Variants in TRPS1 observed in about 807,000 individuals in gnomAD.
The protein encoded by TRPS1 is transcriptional repressor GATA binding 1.
TRPS1 carries 6 observed loss-of-function variants against 101.2 expected under a neutral mutation model. That is an observed-to-expected ratio of 0.06 (90% CI 0.03 to 0.12). The LOEUF (loss-of-function observed/expected upper bound fraction) is 0.12, where lower values mean the gene tolerates loss of function less well. Ranked by LOEUF, TRPS1 falls within the 10% of genes least tolerant of loss-of-function variation. TRPS1 has a pLI of 1.00. For missense variants in TRPS1, 1,363 were observed against 1,567.0 expected (o/e 0.87, Z 2.20); for synonymous variants, 578 against 589.8 (o/e 0.98, Z 0.29).
intron 5 of TRPS1, among the ~76,000 whole-genome samples, chr8:115,581,912 G>C (rs959594231): frequency 6.6e-6 from 1 of 152,068 alleles, no homozygotes; most frequent in Admixed American, 6.6e-5. Context: ...GCAGAGACAT[G>C]TACAAGGATT....
At chr8:115,595,964 A>G (rs959842539) in intron 4 of TRPS1, among the ~76,000 whole-genome samples, 2 of 151,802 alleles carry the variant, frequency 1.3e-5, no homozygotes, top group South Asian at 4.1e-4. Flanking sequence ...GTTTATTTCA[A>G]GGTATTATAA....
intron 5 of TRPS1, among the ~76,000 whole-genome samples, chr8:115,582,129 A>G (rs534243357): frequency 1.1e-4 from 17 of 152,330 alleles, no homozygotes; most frequent in South Asian, 6.2e-4. Flanking sequence ...AAAAAGTCCA[A>G]ATCGGGTGAG....
chr8:115,578,658 C>G (rs974891479), intron 5 of TRPS1, among the ~76,000 whole-genome samples: 1 of 151,854 alleles, frequency 6.6e-6, no homozygotes, highest in East Asian at 1.9e-4. Flanking sequence ...CAGGGAGGTA[C>G]ATGATCCTAT....
At position 115,409,704 on chromosome 8, in the gene TRPS1, A is replaced by G. The variant is rs1812742598; in HGVS notation, c.*4319T>C. On this transcript the variant is annotated 3_prime_UTR_variant, in exon 7 of 7. Coordinates refer to ENST00000395715, the MANE Select transcript of TRPS1 (RefSeq NM_014112.5). ...CTTGGCCGTCTTTCTTTGGGAAAAT[A>G]ACAATGCCCTCCAAAGTCCCGACGG... 1 of 152,086 alleles carries G rather than the reference A, an allele frequency of 6.6e-6. No homozygotes were observed. Among genetic ancestry groups the G allele is most frequent in the Non-Finnish European group, 1.5e-5 (1 of 67,994 alleles). 9.4% of individuals were successfully genotyped at this position (152,086 alleles called of 1,614,324 possible).
At chr8:115,439,793 G>C (rs1359589355) in intron 5 of TRPS1, among the ~76,000 whole-genome samples, 1 of 152,140 alleles carries the variant, frequency 6.6e-6, no homozygotes, top group Non-Finnish European at 1.5e-5. Context: ...CAGGATGGTA[G>C]AAAATGAATT....
chr8:115,570,051 T>C (rs993458489), intron 5 of TRPS1, among the ~76,000 whole-genome samples: 1 of 152,066 alleles, frequency 6.6e-6, no homozygotes, highest in African/African-American at 2.4e-5. Context: ...CAAAATTCTA[T>C]AAAGAAATCT....
chr8:115,438,260 T>C (rs1321704922), intron 5 of TRPS1, among the ~76,000 whole-genome samples: 3 of 152,218 alleles, frequency 2.0e-5, no homozygotes, highest in Non-Finnish European at 2.9e-5. Context: ...TGCCATTCAT[T>C]GAGTATCTGC....
At chr8:115,558,646 G>A (rs1487903103) in intron 5 of TRPS1, among the ~76,000 whole-genome samples, 1 of 152,062 alleles carries the variant, frequency 6.6e-6, no homozygotes, top group Non-Finnish European at 1.5e-5. Flanking sequence ...CTTAATCACT[G>A]CTTTTTTTCA....
intron 5 of TRPS1, among the ~76,000 whole-genome samples, chr8:115,498,413 CTCTATATATATATATATATATATA>C (rs1266198881): frequency 1.3e-4 from 8 of 63,478 alleles, no homozygotes; most frequent in African/African-American, 7.6e-4. Context: ...CTCTCTCTCT[CTCTATATATATATATATATATATA>C]TATATATATA....
At chr8:115,659,509 A>G (rs917092722) in intron 1 of TRPS1, among the ~76,000 whole-genome samples, 2 of 151,966 alleles carry the variant, frequency 1.3e-5, no homozygotes, top group African/African-American at 4.8e-5. Context: ...TATGAATCAT[A>G]CAACAAAGAG....
chr8:115,664,921 A>G (rs1164022698), intron 1 of TRPS1, among the ~76,000 whole-genome samples: 2 of 152,178 alleles, frequency 1.3e-5, no homozygotes, highest in African/African-American at 4.8e-5. Context: ...AGAAATCTTA[A>G]TAAGAATATG....
intron 5 of TRPS1, among the ~76,000 whole-genome samples, chr8:115,439,773 C>T (rs996509800): frequency 2.0e-5 from 3 of 152,104 alleles, no homozygotes; most frequent in African/African-American, 4.8e-5. Context: ...TCCTTTAAAC[C>T]GAGAAAGCTC....
chr8:115,543,930 A>C (rs1459764065), intron 5 of TRPS1, among the ~76,000 whole-genome samples: 1 of 152,130 alleles, frequency 6.6e-6, no homozygotes, highest in Non-Finnish European at 1.5e-5. Flanking sequence ...TTCCCTTAAT[A>C]ATAAAACATA....
At position 115,668,533 on chromosome 8, in the gene TRPS1, TC is replaced by T. The variant is rs1267291715; in HGVS notation, c.-122+11del. On this transcript the variant is annotated intron_variant, in intron 1 of 6. Transcript: ENST00000395715. Reference sequence around the variant, plus strand: ...CCCGGCCCCGCGGCCCGCTCGGGCCTCCCCTCCTTACCTGTTGATTAATCGT... The same window carrying T: ...CCCGGCCCCGCGGCCCGCTCGGGCCTCCCTCCTTACCTGTTGATTAATCGT... The T allele has an allele frequency of 7.3e-6, 1 of 137,430 alleles. No homozygotes were observed. The highest frequency in any genetic ancestry group is 1.6e-5 in the Non-Finnish European group (1 of 63,562). 8.5% of individuals were successfully genotyped at this position (137,430 alleles called of 1,614,324 possible).
At chr8:115,587,778 C>G (rs925146313) in intron 4 of TRPS1, among the ~76,000 whole-genome samples, 174 bp from the exon 5 acceptor site, 2 of 152,136 alleles carry the variant, frequency 1.3e-5, no homozygotes, top group African/African-American at 4.8e-5. Flanking sequence ...ATTTTCAGTT[C>G]TATATAAAGA....
intron 5 of TRPS1, among the ~76,000 whole-genome samples, chr8:115,473,354 T>G (rs1357065573): frequency 1.3e-5 from 2 of 152,172 alleles, no homozygotes; most frequent in African/African-American, 2.4e-5. Context: ...TCAGATCTCA[T>G]GAGAATTCAC....
intron 5 of TRPS1, among the ~76,000 whole-genome samples, chr8:115,478,034 C>G (rs1353223346): frequency 6.6e-6 from 1 of 152,114 alleles, no homozygotes; most frequent in Non-Finnish European, 1.5e-5. Flanking sequence ...TGATGAACAT[C>G]CAAGTGTTTG....
intron 1 of TRPS1, among the ~76,000 whole-genome samples, chr8:115,644,611 C>T (rs1024699724): frequency 6.6e-6 from 1 of 152,172 alleles, no homozygotes; most frequent in Non-Finnish European, 1.5e-5. Flanking sequence ...AACAGAGTGG[C>T]ACTTTTAATT....
At chr8:115,628,150 T>C (rs946925545) in intron 1 of TRPS1, among the ~76,000 whole-genome samples, 2 of 151,784 alleles carry the variant, frequency 1.3e-5, no homozygotes, top group Admixed American at 1.3e-4. Flanking sequence ...TTCTTCCTCA[T>C]GAAACTAGGA....
Sources: allele counts gnomAD v4.1 joint callset (sites outside exome capture counted in the v4.1 genomes callset), GRCh38; gene constraint gnomAD v4.1.1; transcripts MANE v1.5; gene names NCBI Gene and HGNC (gene_info 2026-07-23, HGNC 2026-07-21).